Variants in NR6A1 observed in about 807,000 individuals in gnomAD.
NR6A1 encodes nuclear receptor subfamily 6 group A member 1, also known as retinoic acid receptor-related testis-associated receptor.
A neutral mutation model predicts 59.1 loss-of-function variants in NR6A1; 7 were observed. The ratio of observed to expected loss-of-function variants is 0.12; its 90% CI spans 0.07 to 0.22. NR6A1 has a LOEUF of 0.22. Ranked by LOEUF, NR6A1 falls within the 10% of genes least tolerant of loss-of-function variation. The pLI is 1.00. For synonymous variants in NR6A1, 243 were observed against 236.1 expected (o/e 1.03, Z -0.27); for missense variants, 468 against 611.6 (o/e 0.77, Z 2.48).
chr9:124,642,884 A>G (rs1033542546), intron 2 of NR6A1, among the ~76,000 whole-genome samples: 1 of 152,174 alleles, frequency 6.6e-6, no homozygotes. Context: ...AATAAGAAAG[A>G]TAAGAAAGTG....
intron 2 of NR6A1, among the ~76,000 whole-genome samples, chr9:124,724,731 G>A (rs868309888): frequency 6.6e-6 from 1 of 152,174 alleles, no homozygotes; most frequent in Non-Finnish European, 1.5e-5. Context: ...AAAGTTTGGC[G>A]AGGAAGAACA....
At chr9:124,610,172 T>C (rs1835698354) in intron 2 of NR6A1, among the ~76,000 whole-genome samples, 1 of 152,146 alleles carries the variant, frequency 6.6e-6, no homozygotes, top group African/African-American at 2.4e-5. Context: ...TCCCGGTCTT[T>C]TGTCAGTTTT....
intron 2 of NR6A1, among the ~76,000 whole-genome samples, chr9:124,713,372 C>T (rs1839332873): frequency 6.6e-6 from 1 of 151,354 alleles, no homozygotes; most frequent in African/African-American, 2.4e-5. Context: ...ATACAAAAAG[C>T]ATAGGCAACA....
At chr9:124,749,139 G>A (rs550152927) in intron 1 of NR6A1, among the ~76,000 whole-genome samples, 23 of 152,024 alleles carry the variant, frequency 1.5e-4, no homozygotes, top group East Asian at 7.8e-4. Flanking sequence ...GCGCATGTCT[G>A]TAATCCCAGC....
chr9:124,709,459 A>G (rs2131067900), intron 2 of NR6A1, among the ~76,000 whole-genome samples: 1 of 152,274 alleles, frequency 6.6e-6, no homozygotes, highest in Middle Eastern at 3.4e-3. Flanking sequence ...GGGGAGGGGC[A>G]GCCATTTTCC....
In NR6A1 at chr9:124,733,343, C is replaced by G; in HGVS notation, c.107G>C (p.Cys36Ser). 6.2e-7 allele frequency: 1 copy of G among 1,612,482 alleles called. No individual in the cohort carries two copies. The highest frequency in any genetic ancestry group is 1.1e-5 in the South Asian group (1 of 91,058). The change falls in exon 2 of 10, where the codon TGT (cysteine) becomes TCT (serine). Residue 36 changes from cysteine (C) to serine (S), a missense_variant. Coordinates refer to ENST00000487099, the MANE Select transcript of NR6A1 (RefSeq NM_033334.4). The stretch of plus-strand genomic sequence containing the variant: ...GTCAAGCTCTGCCAATTCATCCTGA[C>G]AGAAACCTAAAGAGAAAACAATAGG... The part of the protein sequence containing the change: ...ALPPPPRNGF[C>S]QDELAELDPG...
intron 2 of NR6A1, among the ~76,000 whole-genome samples, chr9:124,636,768 T>C (rs529124042): frequency 1.3e-5 from 2 of 152,328 alleles, no homozygotes; most frequent in African/African-American, 4.8e-5. Flanking sequence ...TCGGTCCTAC[T>C]GATCTACTTG....
chr9:124,537,470 C>T (rs1433209449), intron 6 of NR6A1, among the ~76,000 whole-genome samples: 1 of 152,128 alleles, frequency 6.6e-6, no homozygotes, highest in Non-Finnish European at 1.5e-5. Flanking sequence ...TGGAGACTAG[C>T]TTAAGAAATC....
chr9:124,611,774 A>AGAGAGAGAGAGAGAGAGAGAGT (rs148472095), intron 2 of NR6A1, among the ~76,000 whole-genome samples: 16 of 105,664 alleles, frequency 1.5e-4, no homozygotes, highest in East Asian at 2.5e-4. Context: ...AGAGAGAGAG[A>AGAGAGAGAGAGAGAGAGAGAGT]GAGAGAGAAT....
chr9:124,748,190 ATT>A (rs1364811870), intron 1 of NR6A1, among the ~76,000 whole-genome samples: 1 of 152,192 alleles, frequency 6.6e-6, no homozygotes. Flanking sequence ...TTAATAAGCC[ATT>A]TGTATAAGGC....
intron 2 of NR6A1, among the ~76,000 whole-genome samples, chr9:124,710,027 C>CA (rs1314018253): frequency 1.3e-5 from 2 of 151,700 alleles, no homozygotes; most frequent in African/African-American, 4.8e-5. Flanking sequence ...TGTTCCTTGC[C>CA]ATTGAACTAC....
At chr9:124,674,969 C>T (rs1319033261) in intron 2 of NR6A1, among the ~76,000 whole-genome samples, 1 of 152,174 alleles carries the variant, frequency 6.6e-6, no homozygotes, top group Admixed American at 6.5e-5. Context: ...CACAGCTAAC[C>T]TTTGTGCGTT....
At chr9:124,556,635 A>T (rs1041029310) in intron 2 of NR6A1, among the ~76,000 whole-genome samples, 2 of 151,806 alleles carry the variant, frequency 1.3e-5, no homozygotes. Context: ...TAATTTTTGT[A>T]TTTTTAGTAG....
In NR6A1 at chr9:124,538,338, C is replaced by A; in HGVS notation, c.597-19G>T. ...AGACCTACTGGAGAGAAAAGTCTTGCGTCAAACAGAGCCATGGCAAGTCTA... is the reference window on the plus strand; with the variant it reads ...AGACCTACTGGAGAGAAAAGTCTTGAGTCAAACAGAGCCATGGCAAGTCTA... On this transcript the variant is annotated intron_variant, in intron 5 of 9. Coordinates refer to ENST00000487099, the MANE Select transcript of NR6A1 (RefSeq NM_033334.4). The A allele has an allele frequency of 6.3e-7, 1 of 1,589,674 alleles. No homozygotes were observed. The highest frequency in any genetic ancestry group is 8.6e-7 in the Non-Finnish European group (1 of 1,160,288).
chr9:124,729,876 G>A (rs10125042), intron 2 of NR6A1, among the ~76,000 whole-genome samples: 5,595 of 150,368 alleles, frequency 0.037, 331 homozygotes, highest in African/African-American at 0.13. Flanking sequence ...GCAATGGCAC[G>A]ATCTCGGCTT....
chr9:124,636,719 T>A (rs1190369146), intron 2 of NR6A1, among the ~76,000 whole-genome samples: 1 of 152,220 alleles, frequency 6.6e-6, no homozygotes, highest in Non-Finnish European at 1.5e-5. Context: ...CAAAGATCAG[T>A]TGACGGCATT....
chr9:124,768,696 G>A (rs1468375689), intron 1 of NR6A1, among the ~76,000 whole-genome samples: 1 of 152,222 alleles, frequency 6.6e-6, no homozygotes, highest in African/African-American at 2.4e-5. Flanking sequence ...GAGGAAATGA[G>A]ACTATGAATG....
intron 3 of NR6A1, among the ~76,000 whole-genome samples, chr9:124,547,811 A>G (rs770580309): frequency 7.9e-5 from 12 of 152,242 alleles, no homozygotes; most frequent in Non-Finnish European, 1.8e-4. Context: ...AAGACTGACG[A>G]ACTATTTCAG....
intron 2 of NR6A1, among the ~76,000 whole-genome samples, chr9:124,728,192 A>G (rs1839781455): frequency 6.7e-6 from 1 of 150,190 alleles, no homozygotes; most frequent in Admixed American, 6.6e-5. Context: ...ACACCTGGCT[A>G]ATTTTTTTTT....
Sources: gnomAD v4.1 joint callset for allele counts (sites outside exome capture counted in the v4.1 genomes callset) on GRCh38, gnomAD v4.1.1 for gene constraint, MANE v1.5 for transcripts, NCBI Gene and HGNC (gene_info 2026-07-23, HGNC 2026-07-21) for gene names.